The following CDH4 variants were observed in gnomAD, a reference collection of about 807,000 sequenced individuals.
CDH4 encodes cadherin 4, also known as cadherin-4.
A neutral mutation model predicts 86.0 loss-of-function variants in CDH4; 33 were observed. The observed-to-expected ratio is 0.38, with a 90% CI of 0.29 to 0.51. CDH4 has a LOEUF of 0.51. Ranked by LOEUF, CDH4 falls within the 20% of genes least tolerant of loss-of-function variation. The pLI is 0.86. For synonymous variants in CDH4, 555 were observed against 549.4 expected (o/e 1.01, Z -0.14); for missense variants, 1,114 against 1,307.4 (o/e 0.85, Z 2.28).
intron 2 of CDH4, among the ~76,000 whole-genome samples, chr20:61,534,661 C>CTTTTTTTTTTTTTTT (rs2085981647): frequency 1.1e-5 from 1 of 89,304 alleles, no homozygotes; most frequent in African/African-American, 7.6e-5. Context: ...TTCTTTCTTT[C>CTTTTTTTTTTTTTTT]TTTCTTTTTT....
At position 61,254,689 on chromosome 20, in the gene CDH4, C is replaced by T. The variant is rs771992219; in HGVS notation, c.58-137C>T. The T allele has an allele frequency of 1.1e-4, 72 of 680,528 alleles. No individual in the cohort carries two copies. The Admixed American group carries it at 1.1e-3, about 10-fold the overall frequency. The allele number at this position is 680,528 out of a possible 1,614,324, so 42.2% of individuals were successfully genotyped here. On this transcript the variant is annotated intron_variant, in intron 1 of 15. Transcript: ENST00000614565. ...GAGCAGAGGAGCAGACGGGGTATCG[C>T]GTCTGGGTGGAGACGGTGGCCTGCC...
intron 4 of CDH4, among the ~76,000 whole-genome samples, chr20:61,832,128 A>C (rs965560110): frequency 1.3e-5 from 2 of 152,230 alleles, no homozygotes; most frequent in Non-Finnish European, 2.9e-5. Flanking sequence ...GTAAGAGCCA[A>C]TGAGTGTCTG....
At chr20:61,569,464 C>G (rs1319439997) in intron 2 of CDH4, among the ~76,000 whole-genome samples, 1 of 152,212 alleles carries the variant, frequency 6.6e-6, no homozygotes, top group Non-Finnish European at 1.5e-5. Flanking sequence ...TCCCCTTTCT[C>G]TCTCTCACAT....
At chr20:61,376,773 T>A (rs934985210) in intron 2 of CDH4, among the ~76,000 whole-genome samples, 8 of 152,192 alleles carry the variant, frequency 5.3e-5, no homozygotes, top group Admixed American at 2.0e-4. Context: ...CACATTCCCA[T>A]GCTACAGGTG....
At chr20:61,319,758 C>G (rs1329059730) in intron 2 of CDH4, among the ~76,000 whole-genome samples, 1 of 149,118 alleles carries the variant, frequency 6.7e-6, no homozygotes, top group Admixed American at 6.7e-5. Flanking sequence ...CCACCCTGGC[C>G]AAAACATGGT....
rs572042581 is a variant in CDH4 at position 61,269,931 on chromosome 20, C to T, written c.169+14994C>T. Among the ~76,000 whole-genome samples the T allele has an allele frequency of 1.3e-5, 2 of 152,350 alleles. No homozygotes were observed. Among genetic ancestry groups the T allele is most frequent in the East Asian group, 3.9e-4 (2 of 5,180 alleles). Reference sequence around the variant, plus strand: ...TTAAGCTCCCCTGACCAATCTCCTCCAGAATCTGGCCCCCAGATGTGGAGA... The same window carrying T: ...TTAAGCTCCCCTGACCAATCTCCTCTAGAATCTGGCCCCCAGATGTGGAGA... On this transcript the variant is annotated intron_variant, in intron 2 of 15. Coordinates refer to ENST00000614565, the MANE Select transcript of CDH4 (RefSeq NM_001794.5). This position sits in a 1 kb window ranked among gnomAD's most constrained non-coding sequence, Gnocchi z 5.3.
intron 2 of CDH4, among the ~76,000 whole-genome samples, chr20:61,280,848 A>G (rs2084254951): frequency 6.6e-6 from 1 of 151,852 alleles, no homozygotes; most frequent in Non-Finnish European, 1.5e-5. Context: ...TCACCTCGCT[A>G]CCCTCCCTGT....
intron 2 of CDH4, among the ~76,000 whole-genome samples, chr20:61,566,246 T>A (rs967515878): frequency 6.6e-6 from 1 of 152,238 alleles, no homozygotes; most frequent in African/African-American, 2.4e-5. Flanking sequence ...TGTCTGACCA[T>A]GAGCCGCCTT....
At chr20:61,635,714 C>A (rs2086939846) in intron 2 of CDH4, among the ~76,000 whole-genome samples, 1 of 152,192 alleles carries the variant, frequency 6.6e-6, no homozygotes, top group South Asian at 2.1e-4. Flanking sequence ...GGAGGATTCT[C>A]TGGGGGCTGA....
chr20:61,286,577 C>A (rs1453361458), intron 2 of CDH4, among the ~76,000 whole-genome samples: 3 of 152,230 alleles, frequency 2.0e-5, no homozygotes, highest in Non-Finnish European at 4.4e-5. Context: ...AAGCAAACCT[C>A]CTGCTCGGCA....
In CDH4 at chr20:61,889,271, A is replaced by G. The variant is rs139931325; in HGVS notation, c.1051-5639A>G. On this transcript the variant is annotated intron_variant, in intron 7 of 15. Coordinates refer to ENST00000614565, the MANE Select transcript of CDH4 (RefSeq NM_001794.5). ...ATTGGTTGGTTGTAATCCACCTGAC[A>G]TAAGGAGAGGTCTCTTTAAAGCATG... is the stretch of plus-strand genomic sequence containing the variant. Among the ~76,000 whole-genome samples, 239 of 152,140 alleles carry G rather than the reference A, an allele frequency of 1.6e-3. 3 individuals are homozygous for G. Among genetic ancestry groups the G allele is most frequent in the African/African-American group, 5.5e-3 (229 of 41,500 alleles).
At chr20:61,395,985 C>T (rs1478934008) in intron 2 of CDH4, among the ~76,000 whole-genome samples, 1 of 152,020 alleles carries the variant, frequency 6.6e-6, no homozygotes, top group Non-Finnish European at 1.5e-5. Flanking sequence ...TTGTCTTTAC[C>T]CCTAATGTGG....
At chr20:61,817,709 A>G (rs1980796243) in intron 4 of CDH4, among the ~76,000 whole-genome samples, 1 of 152,176 alleles carries the variant, frequency 6.6e-6, no homozygotes, top group Non-Finnish European at 1.5e-5. Context: ...GGGCATCCAC[A>G]CGTGCCGCCT....
intron 2 of CDH4, 104 bp from the exon 3 acceptor site, chr20:61,743,459 T>A (rs2088368669): frequency 1.2e-6 from 1 of 810,136 alleles, no homozygotes. Flanking sequence ...CTCATGCCCC[T>A]CATGCCCACT....
chr20:61,841,906 A>G (rs933934228), intron 4 of CDH4, among the ~76,000 whole-genome samples: 2 of 152,182 alleles, frequency 1.3e-5, no homozygotes, highest in Admixed American at 1.3e-4. Context: ...TACGGAAAAC[A>G]GCTTTTTTCT....
chr20:61,743,630 TG>T lies in CDH4; in HGVS notation c.241del (p.Ala81GlnfsTer22). 1 of 1,590,952 alleles carries T rather than the reference TG, an allele frequency of 6.3e-7. No individual in the cohort carries two copies. ...YETNSMDFKV[G>X]ADGTVFATRE... Reference sequence around the variant, plus strand: ...AGACCAACAGCATGGACTTCAAAGTTGGGGCAGATGGGACAGTCTTCGCCAC... The same window carrying T: ...AGACCAACAGCATGGACTTCAAAGTTGGGCAGATGGGACAGTCTTCGCCAC... On this transcript the variant is annotated frameshift_variant, in exon 3 of 16. Transcript: ENST00000614565. LOFTEE classifies it high-confidence loss of function.
intron 2 of CDH4, among the ~76,000 whole-genome samples, chr20:61,603,481 G>T (rs924970518): frequency 1.3e-5 from 2 of 152,166 alleles, no homozygotes; most frequent in African/African-American, 4.8e-5. Context: ...GCCAGGAGAG[G>T]GTTCCTGCTG....
At chr20:61,454,681 G>T (rs890055693) in intron 2 of CDH4, among the ~76,000 whole-genome samples, 2 of 152,132 alleles carry the variant, frequency 1.3e-5, no homozygotes, top group Non-Finnish European at 2.9e-5. Flanking sequence ...TCCTGACCTC[G>T]TGATCCGCCC....
intron 2 of CDH4, among the ~76,000 whole-genome samples, chr20:61,598,384 A>T (rs1261643298): frequency 7.5e-6 from 1 of 133,036 alleles, no homozygotes; most frequent in Non-Finnish European, 1.6e-5. Flanking sequence ...TCCAGAGGTC[A>T]TGCACCCCCC....
Sources: allele counts gnomAD v4.1 joint callset (sites outside exome capture counted in the v4.1 genomes callset), GRCh38; gene constraint gnomAD v4.1.1; non-coding constraint Gnocchi (gnomAD v3.1); transcripts MANE v1.5; gene names NCBI Gene and HGNC (gene_info 2026-07-23, HGNC 2026-07-21).